ILF2: variants seen among roughly 807,000 people sequenced by gnomAD.
ILF2 encodes the protein interleukin enhancer-binding factor 2.
A neutral mutation model predicts 55.3 loss-of-function variants in ILF2; 9 were observed. The observed-to-expected ratio is 0.16, with a 90% CI of 0.10 to 0.28. ILF2 has a LOEUF of 0.28. Ranked by LOEUF, ILF2 falls within the 10% of genes least tolerant of loss-of-function variation. The pLI is 1.00. For synonymous variants in ILF2, 151 were observed against 161.8 expected, an observed-to-expected ratio of 0.93 and a Z score of 0.50; for missense variants, 266 against 474.9, an observed-to-expected ratio of 0.56 and a Z score of 4.09.
intron 3 of ILF2, among the ~76,000 whole-genome samples, chr1:153,669,630 G>A (rs900537738): frequency 4.6e-5 from 7 of 151,892 alleles, no homozygotes; most frequent in Admixed American, 3.3e-4. Context: ...TAGTAGAGAC[G>A]GGGTTTCACC....
intron 3 of ILF2, 97 bp from the exon 4 acceptor site, chr1:153,668,654 G>A: frequency 7.3e-7 from 1 of 1,378,306 alleles, no homozygotes; most frequent in Non-Finnish European, 9.7e-7. Context: ...GTTAAAAACA[G>A]AAAATTCTAC....
In ILF2 at chr1:153,668,494, G is replaced by A; in HGVS notation, c.172C>T (p.Leu58=). ...PDETSFSEAL[L]KRNQDLAPNS... is the part of the protein sequence containing the mutation. Reference sequence around the variant, plus strand: ...GGAGCCAGGTCCTGATTCCTCTTCAGCAAGGCCTCACTGAAGGAAGTTTCA... The same window carrying A: ...GGAGCCAGGTCCTGATTCCTCTTCAACAAGGCCTCACTGAAGGAAGTTTCA... The change falls in exon 4 of 14, where the codon CTG becomes TTG. Residue 58 remains leucine (L), a synonymous_variant. Coordinates refer to ENST00000361891, the MANE Select transcript of ILF2 (RefSeq NM_004515.4). The A allele has an allele frequency of 6.2e-7, 1 of 1,614,138 alleles. No homozygotes were observed. Among genetic ancestry groups the A allele is most frequent in the Non-Finnish European group, 8.5e-7 (1 of 1,180,006 alleles).
Position 153,670,162 on chromosome 1 carries a change from G to C in ILF2, c.65+9C>G, listed in dbSNP as rs1669407526. The C allele has an allele frequency of 6.2e-7, 1 of 1,613,392 alleles. No individual in the cohort carries two copies. The highest frequency in any genetic ancestry group is 8.5e-7 in the Non-Finnish European group (1 of 1,179,472). ...ACCAAGTGCAGAGATGCTAAAAGCT[G>C]GTACTCACCCTCCTCCTGGGCCTCC... On this transcript the variant is annotated intron_variant, in intron 2 of 13. Transcript: ENST00000361891.
intron 7 of ILF2, 86 bp from the exon 8 acceptor site, chr1:153,665,422 A>AT (rs1398899036): frequency 4.3e-6 from 4 of 921,228 alleles, no homozygotes; most frequent in African/African-American, 3.3e-5. Context: ...GAACAGGTGG[A>AT]TTTTTTAAAA....
chr1:153,666,060 T>G (rs1181254318), intron 6 of ILF2, among the ~76,000 whole-genome samples: 1 of 152,160 alleles, frequency 6.6e-6, no homozygotes, highest in Non-Finnish European at 1.5e-5. Flanking sequence ...TCCTTTTTCT[T>G]TTTTTGAGAA....
At position 153,663,956 on chromosome 1, in the gene ILF2, T is replaced by TTACTACTACTAC. The variant is rs10598064; in HGVS notation, c.744+75_744+86dup. On this transcript the variant is annotated intron_variant, in intron 10 of 13. Coordinates refer to ENST00000361891, the MANE Select transcript of ILF2 (RefSeq NM_004515.4). ...TTTCAGACTCTGGTGAATTTCAGAG[T>TTACTACTACTAC]TACTACTACTACTACTACTACTACT... is the stretch of plus-strand genomic sequence containing the variant. The TTACTACTACTAC allele has an allele frequency of 9.7e-5, 41 of 423,120 alleles. 1 individual carries two copies. In the South Asian group the frequency reaches 2.3e-3, roughly 24 times the overall value. 26.2% of individuals were successfully genotyped at this position (423,120 alleles called of 1,614,324 possible).
In ILF2 at chr1:153,668,569, G is replaced by A. The variant is rs11265624; in HGVS notation, c.109-12C>T. On this transcript the variant is annotated splice_polypyrimidine_tract_variant and intron_variant, in intron 3 of 13. Transcript: ENST00000361891. ...AAGGCCATTTCACACTAAACCAGAA[G>A]TAAACAACTACATTCTATTTGCCGA... is the stretch of plus-strand genomic sequence containing the variant. 3,611 of 1,606,508 alleles carry A rather than the reference G, an allele frequency of 2.2e-3. 43 individuals are homozygous for A. In the African/African-American group the frequency reaches 0.031, roughly 14 times the overall value.
At position 153,662,154 on chromosome 1, in the gene ILF2, T is replaced by G; in HGVS notation, c.*242A>C. On this transcript the variant is annotated 3_prime_UTR_variant, in exon 14 of 14. Coordinates refer to ENST00000361891, the MANE Select transcript of ILF2 (RefSeq NM_004515.4). ...GAGAGGGGTTTTCAGGAGTTGGAGA[T>G]TATAGAATATTAGGAAGAAATGTTG... 1 of 438,960 alleles carries G rather than the reference T, an allele frequency of 2.3e-6. No individual in the cohort carries two copies. The highest frequency in any genetic ancestry group is 4.1e-6 in the Non-Finnish European group (1 of 245,512). 27.2% of individuals were successfully genotyped at this position (438,960 alleles called of 1,614,324 possible). A position where few individuals can be genotyped will look rare whatever the true frequency, so the allele number is the denominator to read the frequency against.
At chr1:153,664,164 A>G in intron 9 of ILF2, 34 bp from the exon 10 acceptor site, 6 of 1,374,136 alleles carry the variant, frequency 4.4e-6, no homozygotes, top group East Asian at 2.3e-5. Flanking sequence ...ATTAAAATCA[A>G]TACGATCATG....
chr1:153,669,242 T>C (rs1669386663), intron 3 of ILF2, among the ~76,000 whole-genome samples: 1 of 151,996 alleles, frequency 6.6e-6, no homozygotes, highest in African/African-American at 2.4e-5. Context: ...TCAAAAAAAA[T>C]AAAAAGTTCA....
intron 1 of ILF2, 66 bp downstream of exon 1, chr1:153,670,852 T>C: frequency 6.2e-7 from 1 of 1,601,858 alleles, no homozygotes. Flanking sequence ...CCGACTTCTT[T>C]CGGCCCACGT....
Position 153,665,681 on chromosome 1 carries a change from C to T in ILF2, c.442G>A (p.Ala148Thr). The T allele has an allele frequency of 6.2e-7, 1 of 1,613,592 alleles. No individual in the cohort carries two copies. The highest frequency in any genetic ancestry group is 1.1e-5 in the South Asian group (1 of 90,950). Residue 148 changes from alanine to threonine, a missense_variant, in exon 7 of 14, where the codon GCA (alanine) becomes ACA (threonine). Coordinates refer to ENST00000361891, the MANE Select transcript of ILF2 (RefSeq NM_004515.4). ...TGCAAACCTTCAGAAGGATCCTGTGCTCTTAGGCTTTCCACGACTTTGTTC... is the reference window on the plus strand; with the variant it reads ...TGCAAACCTTCAGAAGGATCCTGTGTTCTTAGGCTTTCCACGACTTTGTTC... ...LGNKVVESLR[A>T]QDPSEVLTML...
rs910510512 is a variant in ILF2 at position 153,665,230 on chromosome 1, T to C, written c.567A>G (p.Pro189=). The C allele has an allele frequency of 6.9e-6, 11 of 1,582,888 alleles. No individual in the cohort carries two copies. Among genetic ancestry groups the C allele is most frequent in the Non-Finnish European group, 9.6e-6 (11 of 1,151,784 alleles). ...AAAAAAAGAACTAACAATGGAGTTC[T>C]GGATCCAGTTTTCGAAGATTGGGTG... ...TVPPNLRKLD[P]ELHLDIKVLQ... Residue 189 remains proline, a synonymous_variant, in exon 8 of 14, where the codon CCA becomes CCG. Coordinates refer to ENST00000361891, the MANE Select transcript of ILF2 (RefSeq NM_004515.4).
In ILF2 at chr1:153,664,510, T is replaced by A. The variant is rs202226882; in HGVS notation, c.578-36A>T. ...AAGCATGATATGCCAGGATGAAACA[T>A]TTTCATTAAACAAGCTACTCATTAC... On this transcript the variant is annotated intron_variant, in intron 8 of 13. Transcript: ENST00000361891. The A allele has an allele frequency of 1.1e-5, 16 of 1,519,048 alleles. 1 individual carries two copies. In the East Asian group the frequency reaches 3.6e-4, roughly 34 times the overall value. The allele number at this position is 1,519,048 out of a possible 1,614,324, so 94.1% of individuals were successfully genotyped here.
chr1:153,667,191 G>A (rs192296313), intron 6 of ILF2: 68 of 334,458 alleles, frequency 2.0e-4, no homozygotes, highest in Admixed American at 3.1e-4. Context: ...TTCAAGATCC[G>A]TAAGGGCTGG....
At chr1:153,666,224 C>G (rs911354003) in intron 6 of ILF2, among the ~76,000 whole-genome samples, 3 of 152,018 alleles carry the variant, frequency 2.0e-5, no homozygotes. Context: ...CACTCTGTCA[C>G]CCAAGCTGAA....
At chr1:153,666,609 C>T (rs1194575618) in intron 6 of ILF2, among the ~76,000 whole-genome samples, 3 of 152,196 alleles carry the variant, frequency 2.0e-5, no homozygotes, top group Admixed American at 2.0e-4. Flanking sequence ...GCCTCAGCCT[C>T]CCAAAGTGCT....
chr1:153,665,498 C>T (rs570100883), intron 7 of ILF2, 162 bp from the exon 8 acceptor site: 3 of 749,990 alleles, frequency 4.0e-6, no homozygotes, highest in East Asian at 2.6e-5. Flanking sequence ...ACAGATCTCC[C>T]TTGAACACCT....
At chr1:153,664,209 A>T (rs1472952181) in intron 9 of ILF2, 79 bp from the exon 10 acceptor site, 1 of 1,003,870 alleles carries the variant, frequency 1.0e-6, no homozygotes, top group Non-Finnish European at 1.5e-6. Flanking sequence ...GAAGCTGACT[A>T]TGCTATTTCC....
Sources: allele counts gnomAD v4.1 joint callset (sites outside exome capture counted in the v4.1 genomes callset), GRCh38; gene constraint gnomAD v4.1.1; transcripts MANE v1.5; gene names NCBI Gene and HGNC (gene_info 2026-07-23, HGNC 2026-07-21).